ARPP21: variants seen among roughly 807,000 people sequenced by gnomAD.
ARPP21 encodes cAMP regulated phosphoprotein 21, also known as cAMP-regulated phosphoprotein 21.
A neutral mutation model predicts 113.2 loss-of-function variants in ARPP21; 69 were observed. The observed-to-expected ratio is 0.61, with a 90% CI of 0.50 to 0.74. The LOEUF is 0.74. Among genes scored for constraint, ARPP21 ranks in the 30% least tolerant of loss-of-function variants. ARPP21 has a pLI of 0.00. For synonymous variants in ARPP21, 368 were observed against 375.5 expected (o/e 0.98, Z 0.23); for missense variants, 1,070 against 1,037.4 (o/e 1.03, Z -0.43).
intron 5 of ARPP21, 32 bp from the exon 6 acceptor site, chr3:35,687,707 G>A (rs781508044): frequency 6.3e-7 from 1 of 1,583,542 alleles, no homozygotes; most frequent in South Asian, 1.2e-5. Context: ...GATTAAACCT[G>A]GCCCTAAATT....
At chr3:35,761,119 C>T (rs1186904484) in intron 19 of ARPP21, among the ~76,000 whole-genome samples, 1 of 152,070 alleles carries the variant, frequency 6.6e-6, no homozygotes, top group Non-Finnish European at 1.5e-5. Flanking sequence ...GTTTTATTTT[C>T]TTCTCTATGT....
At chr3:35,719,179 A>G (rs957142239) in intron 13 of ARPP21, among the ~76,000 whole-genome samples, 1 of 151,844 alleles carries the variant, frequency 6.6e-6, no homozygotes, top group Admixed American at 6.6e-5. Context: ...CCCACACCCA[A>G]ACAGATTTGG....
chr3:35,653,253 A>T (rs997982117), intron 1 of ARPP21, among the ~76,000 whole-genome samples: 1 of 146,108 alleles, frequency 6.8e-6, no homozygotes, highest in Admixed American at 7.0e-5. Context: ...ATATTTAGGG[A>T]TTCTTGTTGA....
chr3:35,754,670 C>T (rs1221218695), intron 19 of ARPP21, among the ~76,000 whole-genome samples: 1 of 151,884 alleles, frequency 6.6e-6, no homozygotes, highest in Non-Finnish European at 1.5e-5. Flanking sequence ...AAAAATCTTA[C>T]ACATTCCCAA....
chr3:35,724,405 T>C (rs2093369452), intron 14 of ARPP21, among the ~76,000 whole-genome samples: 1 of 152,200 alleles, frequency 6.6e-6, no homozygotes, highest in Admixed American at 6.5e-5. Context: ...ACTGTCACTA[T>C]TGTTCCCCCA....
At chr3:35,692,545 T>C (rs888215165) in intron 9 of ARPP21, among the ~76,000 whole-genome samples, 1 of 151,714 alleles carries the variant, frequency 6.6e-6, no homozygotes, top group Non-Finnish European at 1.5e-5. Flanking sequence ...ATAGTTCAAG[T>C]ATATTAAATG....
intron 2 of ARPP21, 137 bp from the exon 3 acceptor site, chr3:35,681,577 C>G: frequency 1.8e-6 from 1 of 561,370 alleles, no homozygotes; most frequent in South Asian, 2.6e-5. Context: ...TTGATTTCAT[C>G]TTGTTTTTTC....
chr3:35,730,695 A>G (rs752899159), intron 15 of ARPP21, among the ~76,000 whole-genome samples: 1 of 152,250 alleles, frequency 6.6e-6, no homozygotes, highest in Non-Finnish European at 1.5e-5. Context: ...TAAGTATCTC[A>G]TAAAAATTAT....
At position 35,772,365 on chromosome 3, in the gene ARPP21, A is replaced by T. The variant is rs535317623; in HGVS notation, c.2138-20017A>T. Among the ~76,000 whole-genome samples, 4 of 152,338 alleles carry T rather than the reference A, an allele frequency of 2.6e-5. No homozygotes were observed. In the East Asian group the frequency reaches 7.7e-4, roughly 29 times the overall value. On this transcript the variant is annotated intron_variant, in intron 19 of 20. Transcript: ENST00000684406. ...GTTAGACTCAAAAGAAATCTTAAAC[A>T]GATCCAGTTTAGCCCAGGCCCCTAG...
intron 1 of ARPP21, among the ~76,000 whole-genome samples, chr3:35,651,064 T>A (rs1702177280): frequency 6.6e-6 from 1 of 152,146 alleles, no homozygotes; most frequent in African/African-American, 2.4e-5. Flanking sequence ...TAAAATCTGT[T>A]AATCCTTAAT....
chr3:35,645,649 C>T (rs1364100776), intron 1 of ARPP21, among the ~76,000 whole-genome samples: 1 of 151,898 alleles, frequency 6.6e-6, no homozygotes, highest in African/African-American at 2.4e-5. Flanking sequence ...GTTCCAAATT[C>T]AGTGCTGGAA....
intron 1 of ARPP21, among the ~76,000 whole-genome samples, chr3:35,654,264 C>T (rs1165999676): frequency 1.3e-5 from 2 of 151,870 alleles, no homozygotes; most frequent in African/African-American, 4.8e-5. Context: ...CTAATGGATT[C>T]ACATGGTTTG....
At chr3:35,741,221 G>C (rs1050170872) in intron 18 of ARPP21, among the ~76,000 whole-genome samples, 7 of 152,158 alleles carry the variant, frequency 4.6e-5, no homozygotes, top group African/African-American at 1.7e-4. Context: ...AACCCCTCTT[G>C]TGTCTGTGAC....
chr3:35,668,017 GAAGAAGAA>G (rs2075274558), intron 1 of ARPP21, among the ~76,000 whole-genome samples: 26 of 149,586 alleles, frequency 1.7e-4, no homozygotes, highest in East Asian at 9.8e-4. Context: ...AGAAGAAGAA[GAAGAAGAA>G]GAAGAAGGAG....
chr3:35,793,028 T>G (rs2096777684), intron 20 of ARPP21, among the ~76,000 whole-genome samples: 1 of 152,226 alleles, frequency 6.6e-6, no homozygotes, highest in East Asian at 1.9e-4. Flanking sequence ...AAAAGTGTTA[T>G]GTATCCTTTT....
In ARPP21 at chr3:35,709,038, CAG is replaced by C. The variant is rs1415594391; in HGVS notation, c.870_871del (p.Arg290SerfsTer23). The C allele has an allele frequency of 1.9e-6, 3 of 1,613,268 alleles. No individual in the cohort carries two copies. Among genetic ancestry groups the C allele is most frequent in the Non-Finnish European group, 2.5e-6 (3 of 1,179,460 alleles). ...AATTGAAGAGAGAGAAGAGGAATATCAGAGAGTGAGGGAGAGAATATTTGCAC... is the reference window on the plus strand; with the variant it reads ...AATTGAAGAGAGAGAAGAGGAATATCAGAGTGAGGGAGAGAATATTTGCAC... ...KSIEEREEEY[Q>X]RVRERIFAHD... On this transcript the variant is annotated frameshift_variant, in exon 11 of 21. Coordinates refer to ENST00000684406, the MANE Select transcript of ARPP21 (RefSeq NM_001385562.1). LOFTEE classifies it high-confidence loss of function.
chr3:35,738,380 T>G, intron 17 of ARPP21, 62 bp downstream of exon 17: 1 of 1,388,000 alleles, frequency 7.2e-7, no homozygotes, highest in Non-Finnish European at 9.9e-7. Context: ...ATTTTACTAC[T>G]TTTTTGTGTG....
At chr3:35,658,828 T>C (rs1238277666) in intron 1 of ARPP21, among the ~76,000 whole-genome samples, 1 of 151,992 alleles carries the variant, frequency 6.6e-6, no homozygotes, top group Non-Finnish European at 1.5e-5. Context: ...AGTGTACAAA[T>C]GTTACTCACA....
intron 15 of ARPP21, among the ~76,000 whole-genome samples, chr3:35,734,613 T>C (rs41478951): frequency 0.04 from 6,056 of 152,310 alleles, 179 homozygotes; most frequent in Admixed American, 0.079. Flanking sequence ...TCAAAGTTTC[T>C]TGTTACTAAC....
Sources: allele counts gnomAD v4.1 joint callset (sites outside exome capture counted in the v4.1 genomes callset), GRCh38; gene constraint gnomAD v4.1.1; transcripts MANE v1.5; gene names NCBI Gene and HGNC (gene_info 2026-07-23, HGNC 2026-07-21).